Variants in LTBP1 observed in about 807,000 individuals in gnomAD.
LTBP1 encodes the protein latent-transforming growth factor beta-binding protein 1.
Under a neutral mutation model 207.6 loss-of-function variants are expected in LTBP1, and 129 were observed. That is an observed-to-expected ratio of 0.62 (90% CI 0.54 to 0.72). The LOEUF (loss-of-function observed/expected upper bound fraction) is 0.72. LTBP1 is among the 30% of genes least tolerant of loss of function. The pLI is 0.00. For synonymous variants in LTBP1, 963 were observed against 833.7 expected, an observed-to-expected ratio of 1.16 and a Z score of -2.67; for missense variants, 2,281 against 2,217.2, an observed-to-expected ratio of 1.03 and a Z score of -0.58.
intron 24 of LTBP1, among the ~76,000 whole-genome samples, chr2:33,332,264 G>A (rs1189737474): frequency 6.6e-6 from 1 of 150,944 alleles, no homozygotes; most frequent in Non-Finnish European, 1.5e-5. Context: ...CAGGTGTGGT[G>A]GTGGGTACCT....
intron 5 of LTBP1, among the ~76,000 whole-genome samples, chr2:33,136,607 C>G (rs2082163825): frequency 6.6e-6 from 1 of 152,110 alleles, no homozygotes; most frequent in African/African-American, 2.4e-5. Flanking sequence ...TGGTTGCCTT[C>G]CTTACTCACT....
intron 11 of LTBP1, among the ~76,000 whole-genome samples, chr2:33,254,295 G>A (rs979877675): frequency 3.9e-5 from 6 of 152,012 alleles, no homozygotes; most frequent in African/African-American, 1.4e-4. Context: ...TCTGTATAAT[G>A]TGTTTTTAAT....
chr2:32,988,124 A>G (rs990876937), intron 2 of LTBP1, among the ~76,000 whole-genome samples: 2 of 152,232 alleles, frequency 1.3e-5, no homozygotes, highest in African/African-American at 4.8e-5. Context: ...AGGGATATTC[A>G]GAGGGATTGT....
In LTBP1 at chr2:33,184,230, C is replaced by T. The variant is rs1174093815; in HGVS notation, c.1202-2626C>T. Among the ~76,000 whole-genome samples the T allele has an allele frequency of 3.9e-5, 6 of 152,196 alleles. No homozygotes were observed. The East Asian group carries it at 1.2e-3, about 29-fold the overall frequency. ...TCACTGGAGTAATCTTCCTGGAACA[C>T]TCTTGCAGCTTTACTTAATCCTCTG... On this transcript the variant is annotated intron_variant, in intron 5 of 33. Coordinates refer to ENST00000404816, the MANE Select transcript of LTBP1 (RefSeq NM_206943.4).
intron 26 of LTBP1, among the ~76,000 whole-genome samples, chr2:33,358,092 A>C (rs999432553): frequency 6.6e-6 from 1 of 152,196 alleles, no homozygotes; most frequent in African/African-American, 2.4e-5. Context: ...ACCTTTGTGG[A>C]CTAGTTTTTA....
At chr2:33,093,813 TATCATC>T (rs549103792) in intron 3 of LTBP1, among the ~76,000 whole-genome samples, 2 of 151,796 alleles carry the variant, frequency 1.3e-5, no homozygotes, top group African/African-American at 2.4e-5. Context: ...TGATGATGAT[TATCATC>T]ATCATCATCA....
At chr2:33,033,037 G>T (rs1271960038) in intron 3 of LTBP1, among the ~76,000 whole-genome samples, 2 of 152,158 alleles carry the variant, frequency 1.3e-5, no homozygotes, top group Non-Finnish European at 2.9e-5. Context: ...ATTTGATCAA[G>T]CTCCATTAGG....
chr2:33,383,373 A>G (rs994605019), intron 31 of LTBP1, among the ~76,000 whole-genome samples: 8 of 152,160 alleles, frequency 5.3e-5, no homozygotes, highest in Admixed American at 1.3e-4. Flanking sequence ...AAAAGTGTCT[A>G]TTACAATGCT....
rs889615681 is a variant in LTBP1, at chr2:33,293,056, G to A, written c.3113-104G>A. The A allele has an allele frequency of 1.2e-5, 14 of 1,159,000 alleles. No homozygotes were observed. The African/African-American group carries it at 1.6e-4, about 13-fold the overall frequency. The allele number at this position is 1,159,000 out of a possible 1,614,324, so 71.8% of individuals were successfully genotyped here. ...AAAGTTTATCTTTAAGAATCTGCCT[G>A]GTCTTCTGAAGGTCTACTGTTTCCA... On this transcript the variant is annotated intron_variant, in intron 19 of 33. Transcript: ENST00000404816.
intron 7 of LTBP1, among the ~76,000 whole-genome samples, chr2:33,189,404 C>G (rs950787599): frequency 1.3e-5 from 2 of 152,244 alleles, no homozygotes; most frequent in Non-Finnish European, 2.9e-5. Context: ...CCATGTTGGC[C>G]AGGTTGGTCT....
At chr2:33,277,899 A>G (rs1175416570) in intron 18 of LTBP1, among the ~76,000 whole-genome samples, 1 of 140,944 alleles carries the variant, frequency 7.1e-6, no homozygotes, top group African/African-American at 2.7e-5. Flanking sequence ...GTGCGATCTC[A>G]GCTCACTGCA....
At chr2:33,354,879 T>C (rs2094837356) in intron 26 of LTBP1, among the ~76,000 whole-genome samples, 2 of 152,278 alleles carry the variant, frequency 1.3e-5, no homozygotes, top group South Asian at 4.1e-4. Context: ...TAGCTAGGAT[T>C]ACAGGCCCAC....
In LTBP1 at chr2:33,398,552, A is replaced by G. The variant is rs777559451; in HGVS notation, c.*7A>G. The stretch of plus-strand genomic sequence containing the variant: ...AGACAGTGACCTGGAGTGAAACAGA[A>G]TCTACATAACCTAAGCCCATATACT... On this transcript the variant is annotated 3_prime_UTR_variant, in exon 34 of 34. Transcript: ENST00000404816. 5.0e-6 allele frequency: 8 copies of G among 1,612,840 alleles called. No homozygotes were observed. Among genetic ancestry groups the G allele is most frequent in the Non-Finnish European group, 5.9e-6 (7 of 1,179,420 alleles).
At chr2:33,386,371 G>A (rs2095265448) in intron 31 of LTBP1, among the ~76,000 whole-genome samples, 1 of 152,108 alleles carries the variant, frequency 6.6e-6, no homozygotes, top group Non-Finnish European at 1.5e-5. Context: ...TTTGGTGGAG[G>A]AAGCATGTCT....
intron 7 of LTBP1, among the ~76,000 whole-genome samples, chr2:33,206,714 G>T (rs1267849525): frequency 2.0e-5 from 3 of 151,106 alleles, no homozygotes; most frequent in Non-Finnish European, 4.4e-5. Context: ...ACTCCAGCCT[G>T]GGCGACAGAG....
chr2:33,071,333 C>G (rs754451934), intron 3 of LTBP1, among the ~76,000 whole-genome samples: 2 of 152,218 alleles, frequency 1.3e-5, no homozygotes, highest in Non-Finnish European at 2.9e-5. Flanking sequence ...AAAGTAGAAG[C>G]TACAGTCTTT....
chr2:33,146,324 G>C (rs2083038832), intron 5 of LTBP1, among the ~76,000 whole-genome samples: 1 of 152,160 alleles, frequency 6.6e-6, no homozygotes, highest in Non-Finnish European at 1.5e-5. Flanking sequence ...CTAACAATTT[G>C]GTGGTGGCTT....
rs769193449 is a variant in LTBP1, at chr2:33,156,598, G to T, written c.1201+21638G>T. On this transcript the variant is annotated intron_variant, in intron 5 of 33. Coordinates refer to ENST00000404816, the MANE Select transcript of LTBP1 (RefSeq NM_206943.4). ...AAGGCTTTGTGATCTGCAGAATAATGTCCATATATAAGTATTATTATTGTT... is the reference window on the plus strand; with the variant it reads ...AAGGCTTTGTGATCTGCAGAATAATTTCCATATATAAGTATTATTATTGTT... 1.4e-4 allele frequency among the ~76,000 whole-genome samples: 21 copies of T among 152,256 alleles called. No individual in the cohort carries two copies. The South Asian group carries it at 4.4e-3, about 32-fold the overall frequency.
intron 5 of LTBP1, among the ~76,000 whole-genome samples, chr2:33,157,766 T>C (rs1444187542): frequency 6.6e-6 from 1 of 152,192 alleles, no homozygotes; most frequent in African/African-American, 2.4e-5. Context: ...CAGTATCTTT[T>C]TCCCACTGAC....
Sources: allele counts gnomAD v4.1 joint callset (sites outside exome capture counted in the v4.1 genomes callset), GRCh38; gene constraint gnomAD v4.1.1; transcripts MANE v1.5; gene names NCBI Gene and HGNC (gene_info 2026-07-23, HGNC 2026-07-21).